ABCC12: variants seen among roughly 807,000 people sequenced by gnomAD.
ABCC12 encodes the protein ATP binding cassette subfamily C member 12, also known as ATP-binding cassette sub-family C member 12.
In ABCC12, 142 loss-of-function variants were observed where a neutral mutation model predicts 151.1. The observed-to-expected ratio is 0.94, with a 90% CI of 0.82 to 1.08. The LOEUF (loss-of-function observed/expected upper bound fraction) is 1.08. ABCC12 is among the 50% of genes least tolerant of loss of function. ABCC12 has a pLI of 0.00. For missense variants in ABCC12, 1,638 were observed against 1,691.1 expected (o/e 0.97, Z 0.55); for synonymous variants, 645 against 646.4 (o/e 1.00, Z 0.03).
At chr16:48,140,346 C>T (rs969188441) in intron 6 of ABCC12, among the ~76,000 whole-genome samples, 6 of 152,110 alleles carry the variant, frequency 3.9e-5, no homozygotes, top group East Asian at 3.9e-4. Flanking sequence ...ATTATTGGAG[C>T]CATCAGTTCA....
intron 18 of ABCC12, among the ~76,000 whole-genome samples, chr16:48,111,197 T>C (rs929274820): frequency 3.3e-5 from 5 of 152,232 alleles, no homozygotes; most frequent in Non-Finnish European, 5.9e-5. Context: ...CCTCATTTTA[T>C]AGATTAGGAG....
Position 48,140,849 on chromosome 16 carries a change from C to A in ABCC12, c.495G>T (p.Leu165=). 1 of 1,614,112 alleles carries A rather than the reference C, an allele frequency of 6.2e-7. No homozygotes were observed. The highest frequency in any genetic ancestry group is 8.5e-7 in the Non-Finnish European group (1 of 1,180,016). The change falls in exon 6 of 31, where the codon CTG becomes CTT. Residue 165 remains leucine (L), a synonymous_variant. Coordinates refer to ENST00000311303, the MANE Select transcript of ABCC12 (RefSeq NM_001393797.1). ...TSGKVWVGIG[L]CIALFATEFT... ...ACTCGGTGGCAAAAAGGGCTATGCA[C>A]AGTCCAATGCCAACCCAGACTTTCC...
intron 2 of ABCC12, among the ~76,000 whole-genome samples, chr16:48,147,563 G>A (rs980846191): frequency 6.6e-6 from 1 of 152,152 alleles, no homozygotes; most frequent in African/African-American, 2.4e-5. Flanking sequence ...AGTGTCCTCA[G>A]ATGCAATCTT....
rs1427709779 is a variant in ABCC12 at position 48,143,902 on chromosome 16, C to T, written c.275+8G>A. 1.7e-5 allele frequency: 27 copies of T among 1,612,014 alleles called. No individual in the cohort carries two copies. Among genetic ancestry groups the T allele is most frequent in the Non-Finnish European group, 2.1e-5 (25 of 1,178,736 alleles). On this transcript the variant is annotated splice_region_variant and intron_variant, in intron 4 of 30. Coordinates refer to ENST00000311303, the MANE Select transcript of ABCC12 (RefSeq NM_001393797.1). ...GACTAATACAGTGACCCAAGCAAAT[C>T]CTGGTACCTTTTGGCATTGGTGTCA...
intron 22 of ABCC12, among the ~76,000 whole-genome samples, chr16:48,103,532 C>G (rs972653043): frequency 6.6e-6 from 1 of 152,234 alleles, no homozygotes; most frequent in African/African-American, 2.4e-5. Flanking sequence ...TGCAGCACCT[C>G]TCTGACTTCT....
intron 2 of ABCC12, among the ~76,000 whole-genome samples, chr16:48,148,821 C>T (rs1241538838): frequency 6.6e-6 from 1 of 151,570 alleles, no homozygotes; most frequent in Admixed American, 6.6e-5. Context: ...CCAATTTCTG[C>T]TCAGCCTTCA....
chr16:48,101,218 G>T (rs1193266871), intron 22 of ABCC12, among the ~76,000 whole-genome samples: 1 of 152,166 alleles, frequency 6.6e-6, no homozygotes, highest in Admixed American at 6.5e-5. Flanking sequence ...ATGAGTCAGC[G>T]GCACCTTCGT....
rs1964678630 is a variant in ABCC12 at position 48,138,255 on chromosome 16, C to T, written c.952G>A (p.Glu318Lys). The change falls in exon 8 of 31, where the codon GAG becomes AAG. Residue 318 changes from glutamate to lysine, a missense_variant. Coordinates refer to ENST00000311303, the MANE Select transcript of ABCC12 (RefSeq NM_001393797.1). ...TGGATAGTGTTGGTAAAAGATTTCT[C>T]CCAGGCATACATTTTGATCAGCCTG... Reference protein sequence around the residue: ...CIRLIKMYAWEKSFTNTIQDI... With the variant: ...CIRLIKMYAWKKSFTNTIQDI... The T allele has an allele frequency of 6.2e-7, 1 of 1,611,126 alleles. No individual in the cohort carries two copies. Among genetic ancestry groups the T allele is most frequent in the African/African-American group, 1.3e-5 (1 of 74,872 alleles).
intron 23 of ABCC12, among the ~76,000 whole-genome samples, chr16:48,098,230 A>G (rs1048867845): frequency 2.0e-5 from 3 of 151,956 alleles, no homozygotes; most frequent in African/African-American, 7.3e-5. Flanking sequence ...TGAGCTGACC[A>G]TTAACCAAAA....
intron 19 of ABCC12, among the ~76,000 whole-genome samples, chr16:48,107,982 C>T (rs780764338): frequency 4.6e-5 from 7 of 151,680 alleles, no homozygotes; most frequent in Non-Finnish European, 8.8e-5. Context: ...GCACTCCAGC[C>T]TGGGTGACAG....
chr16:48,144,484 C>A (rs61450339), intron 3 of ABCC12, among the ~76,000 whole-genome samples: 14,627 of 151,762 alleles, frequency 0.096, 796 homozygotes, highest in African/African-American at 0.16. Flanking sequence ...TCCTCCTCCT[C>A]CTGCCCAGAA....
chr16:48,122,676 T>G (rs760332640), intron 12 of ABCC12, among the ~76,000 whole-genome samples: 5 of 152,176 alleles, frequency 3.3e-5, no homozygotes, highest in African/African-American at 9.7e-5. Flanking sequence ...TGATGCCACT[T>G]CACCTCAGGA....
chr16:48,103,028 T>G (rs1394129429), intron 22 of ABCC12, among the ~76,000 whole-genome samples: 1 of 152,244 alleles, frequency 6.6e-6, no homozygotes, highest in African/African-American at 2.4e-5. Flanking sequence ...CTCTATAGTC[T>G]GCCCTGACCT....
rs546985971 is a variant in ABCC12 at position 48,145,518 on chromosome 16, G to A, written c.119+788C>T. 1.4e-4 allele frequency among the ~76,000 whole-genome samples: 21 copies of A among 152,210 alleles called. No individual in the cohort carries two copies. In the East Asian group the frequency reaches 2.1e-3, roughly 15 times the overall value. On this transcript the variant is annotated intron_variant, in intron 3 of 30. Transcript: ENST00000311303. ...TGGCAGCTCATTCCATCAAAAAGTC[G>A]AGTCTGTTTCCTCACACTTTGAATA...
At chr16:48,115,685 T>TCC in intron 14 of ABCC12, 67 bp from the exon 15 acceptor site, 1 of 1,472,108 alleles carries the variant, frequency 6.8e-7, no homozygotes, top group Non-Finnish European at 9.2e-7. Flanking sequence ...AATGGAAGCT[T>TCC]CCTGGAGCTT....
chr16:48,128,472 A>C lies in ABCC12; in HGVS notation c.1502T>G (p.Phe501Cys). The C allele has an allele frequency of 1.9e-6, 3 of 1,614,044 alleles. No individual in the cohort carries two copies. In the South Asian group the frequency reaches 3.3e-5, roughly 18 times the overall value. Residue 501 changes from phenylalanine to cysteine, a missense_variant, in exon 11 of 31, where the codon TTT becomes TGT. Physicochemically the swap from Phe to Cys is radical, Grantham distance 205. Coordinates refer to ENST00000311303, the MANE Select transcript of ABCC12 (RefSeq NM_001393797.1). ...SLKSVLHSISFVVRKGKILGI... is the reference protein window; with the variant it reads ...SLKSVLHSISCVVRKGKILGI... ...ACACACACCCACCTTTCTCACCACA[A>C]AGCTTATGCTGTGCAGAACCGATTT...
rs773290722 is a variant in ABCC12 at position 48,085,713 on chromosome 16, A to G, written c.3715-7T>C. 6.2e-7 allele frequency: 1 copy of G among 1,607,076 alleles called. No individual in the cohort carries two copies. Among genetic ancestry groups the G allele is most frequent in the African/African-American group, 1.3e-5 (1 of 74,768 alleles). ...TTTCTGGGAGTTTCATTATCTACAA[A>G]ACACAAAAAATGCCACATTTGTGCT... On this transcript the variant is annotated splice_polypyrimidine_tract_variant and splice_region_variant and intron_variant, in intron 28 of 30. Transcript: ENST00000311303.
intron 23 of ABCC12, among the ~76,000 whole-genome samples, chr16:48,097,211 T>G (rs932205821): frequency 6.6e-6 from 1 of 151,994 alleles, no homozygotes; most frequent in African/African-American, 2.4e-5. Context: ...AATCTACAGC[T>G]GAGAAGAAGA....
chr16:48,150,639 C>A (rs1965104857), intron 2 of ABCC12, among the ~76,000 whole-genome samples: 1 of 152,094 alleles, frequency 6.6e-6, no homozygotes, highest in Non-Finnish European at 1.5e-5. Flanking sequence ...TCTCCAAGTA[C>A]TTGAATCTCC....
Sources: gnomAD v4.1 joint callset for allele counts (sites outside exome capture counted in the v4.1 genomes callset) on GRCh38, gnomAD v4.1.1 for gene constraint, MANE v1.5 for transcripts, NCBI Gene and HGNC (gene_info 2026-07-23, HGNC 2026-07-21) for gene names.